DGCR8: variants seen among roughly 807,000 people sequenced by gnomAD.
DGCR8 encodes the protein microprocessor complex subunit DGCR8.
DGCR8 carries 14 observed loss-of-function variants against 78.5 expected under a neutral mutation model. The observed-to-expected ratio is 0.18, with a 90% CI of 0.12 to 0.28. The LOEUF (loss-of-function observed/expected upper bound fraction) is 0.28, where lower values mean the gene tolerates loss of function less well. Ranked by LOEUF, DGCR8 falls within the 10% of genes least tolerant of loss-of-function variation. DGCR8 has a pLI of 1.00. For missense variants in DGCR8, 702 were observed against 1,022.5 expected, an observed-to-expected ratio of 0.69 and a Z score of 4.28; for synonymous variants, 399 against 402.4, an observed-to-expected ratio of 0.99 and a Z score of 0.10.
intron 8 of DGCR8, among the ~76,000 whole-genome samples, chr22:20,093,831 C>T (rs762888133): frequency 3.9e-5 from 6 of 152,240 alleles, no homozygotes; most frequent in Non-Finnish European, 7.3e-5. Context: ...TTTGCCTCAG[C>T]GTCCAGGGTT....
intron 9 of DGCR8, among the ~76,000 whole-genome samples, chr22:20,105,549 C>T (rs2049759486): frequency 6.6e-6 from 1 of 152,360 alleles, no homozygotes; most frequent in African/African-American, 2.4e-5. Context: ...CTTCCCTATG[C>T]CTCACTGTGT....
chr22:20,086,398 G>C lies in DGCR8; in HGVS notation c.435G>C (p.Arg145=), dbSNP rs778785404. ...VLYTGAERDV[R]AECGLLLSPV... ...ACACAGGAGCAGAGCGCGACGTGCG[G>C]GCGGAGTGCGGTCTGCTCCTTAGCC... is the stretch of plus-strand genomic sequence containing the variant. Residue 145 remains arginine, a synonymous_variant, in exon 2 of 14, where the codon CGG becomes CGC. Coordinates refer to ENST00000351989, the MANE Select transcript of DGCR8 (RefSeq NM_022720.7). This position sits in a 1 kb window ranked among gnomAD's most constrained non-coding sequence, Gnocchi z 6.4. The C allele has an allele frequency of 6.2e-7, 1 of 1,613,996 alleles. No homozygotes were observed. Among genetic ancestry groups the C allele is most frequent in the Non-Finnish European group, 8.5e-7 (1 of 1,180,032 alleles).
At chr22:20,090,994 C>G (rs2049551248) in intron 5 of DGCR8, among the ~76,000 whole-genome samples, 1 of 151,940 alleles carries the variant, frequency 6.6e-6, no homozygotes, top group Non-Finnish European at 1.5e-5. Context: ...AATGCGAGGC[C>G]CTGTGCAGGG....
Position 20,110,293 on chromosome 22 carries a change from T to C in DGCR8, c.*185T>C, listed in dbSNP as rs1378222254. On this transcript the variant is annotated 3_prime_UTR_variant, in exon 14 of 14. Transcript: ENST00000351989. ...GACAGCCATGGCCACACAGCACACATGTGGAGCAGCGGCTCTCCCTGGAAA... is the reference window on the plus strand; with the variant it reads ...GACAGCCATGGCCACACAGCACACACGTGGAGCAGCGGCTCTCCCTGGAAA... 3.0e-5 allele frequency: 18 copies of C among 590,480 alleles called. No homozygotes were observed. Among genetic ancestry groups the C allele is most frequent in the African/African-American group, 9.4e-5 (5 of 53,310 alleles). 36.6% of individuals were successfully genotyped at this position (590,480 alleles called of 1,614,324 possible). A position where few individuals can be genotyped will look rare whatever the true frequency, so the allele number is the denominator to read the frequency against.
intron 9 of DGCR8, chr22:20,101,837 G>T (rs563657442): frequency 4.0e-4 from 398 of 985,404 alleles, no homozygotes; most frequent in Middle Eastern, 2.6e-3. Context: ...AGCCTGGGGC[G>T]TGGGGTAGTA....
chr22:20,092,063 T>A, intron 7 of DGCR8, 93 bp downstream of exon 7: 1 of 980,358 alleles, frequency 1.0e-6, no homozygotes, highest in South Asian at 1.4e-5. Flanking sequence ...CTAGCCCTAC[T>A]CTACTGGAAC....
In DGCR8 at chr22:20,087,120, TG is replaced by T. The variant is rs2049494173; in HGVS notation, c.721-41del. On this transcript the variant is annotated intron_variant, in intron 2 of 13. Coordinates refer to ENST00000351989, the MANE Select transcript of DGCR8 (RefSeq NM_022720.7). This position sits in a 1 kb window ranked among gnomAD's most constrained non-coding sequence, Gnocchi z 4.1. ...GTTGAGCTCTCCTGTTGCAGGAGCATGAGCGCCAGGGGCTCTGGTGTCTGAA... is the reference window on the plus strand; with the variant it reads ...GTTGAGCTCTCCTGTTGCAGGAGCATAGCGCCAGGGGCTCTGGTGTCTGAA... The T allele has an allele frequency of 6.4e-7, 1 of 1,570,088 alleles. No individual in the cohort carries two copies. The highest frequency in any genetic ancestry group is 2.3e-5 in the East Asian group (1 of 44,318).
In DGCR8 at chr22:20,081,468, C is replaced by T. The variant is rs549582238; in HGVS notation, c.-278+1085C>T. ...TTGGTCAGCTGGAGCAGTGGGGAGG[C>T]CTACGGGCAGAGAGCTCCCCTTTGA... is the stretch of plus-strand genomic sequence containing the variant. On this transcript the variant is annotated intron_variant, in intron 1 of 13. Transcript: ENST00000351989. 3.3e-5 allele frequency among the ~76,000 whole-genome samples: 5 copies of T among 152,346 alleles called. No individual in the cohort carries two copies. The South Asian group carries it at 1.0e-3, about 32-fold the overall frequency.
chr22:20,105,996 G>T (rs2147939995), intron 9 of DGCR8, among the ~76,000 whole-genome samples, 181 bp from the exon 10 acceptor site: 1 of 152,262 alleles, frequency 6.6e-6, no homozygotes, highest in East Asian at 1.9e-4. Context: ...ATGGGCAACT[G>T]GACGGTGAGG....
intron 9 of DGCR8, among the ~76,000 whole-genome samples, chr22:20,104,050 C>T (rs1395122635): frequency 6.6e-6 from 1 of 152,168 alleles, no homozygotes; most frequent in Non-Finnish European, 1.5e-5. Context: ...TCACTTCTGC[C>T]ATCTGTCTGC....
At chr22:20,103,213 C>T (rs1046403703) in intron 9 of DGCR8, among the ~76,000 whole-genome samples, 10 of 151,866 alleles carry the variant, frequency 6.6e-5, no homozygotes, top group South Asian at 2.1e-4. Context: ...AATGGACATC[C>T]TAACAATATT....
intron 11 of DGCR8, chr22:20,106,903 C>T (rs1221389898): frequency 1.7e-5 from 10 of 593,112 alleles, no homozygotes; most frequent in Middle Eastern, 8.9e-4. Flanking sequence ...CCCCCGCTGT[C>T]ACCCCTGTCT....
At chr22:20,088,824 G>T (rs538673637) in intron 3 of DGCR8, among the ~76,000 whole-genome samples, 1 of 151,542 alleles carries the variant, frequency 6.6e-6, no homozygotes, top group Non-Finnish European at 1.5e-5. Context: ...TTTTTGAGGC[G>T]GGGTCTTGCT....
At chr22:20,081,603 C>T (rs558170381) in intron 1 of DGCR8, among the ~76,000 whole-genome samples, 1 of 152,304 alleles carries the variant, frequency 6.6e-6, no homozygotes, top group Admixed American at 6.5e-5. Context: ...CAGTCTTAGA[C>T]TCTCTTGTTG....
Position 20,091,440 on chromosome 22 carries a change from G to A in DGCR8, c.1312G>A (p.Glu438Lys). ...EVCKDESVDLEEFRSYLEKRF... is the reference protein window; with the variant it reads ...EVCKDESVDLKEFRSYLEKRF... ...CTCTGGTAAATCTGGGACAGATCTC[G>A]AGGAATTTCGAAGCTACCTGGAGAA... Residue 438 changes from glutamate (E) to lysine (K), a missense_variant, in exon 6 of 14, where the codon GAG becomes AAG. By Grantham distance (56) the Glu-to-Lys change is moderately conservative. This residue lies in a region of DGCR8 where 119 missense variants were observed against 126.1 expected (regional missense o/e 0.94). Coordinates refer to ENST00000351989, the MANE Select transcript of DGCR8 (RefSeq NM_022720.7). The A allele has an allele frequency of 1.2e-6, 2 of 1,614,184 alleles. No individual in the cohort carries two copies. The highest frequency in any genetic ancestry group is 8.5e-7 in the Non-Finnish European group (1 of 1,180,034).
intron 9 of DGCR8, among the ~76,000 whole-genome samples, chr22:20,099,611 A>G (rs1347297783): frequency 3.3e-5 from 5 of 152,224 alleles, no homozygotes; most frequent in Non-Finnish European, 7.3e-5. Context: ...TCTTGAATCA[A>G]CACTCCTCAG....
intron 5 of DGCR8, 29 bp from the exon 6 acceptor site, chr22:20,091,406 A>C: frequency 6.2e-7 from 1 of 1,611,930 alleles, no homozygotes; most frequent in Non-Finnish European, 8.5e-7. Flanking sequence ...GAAGTTAAGT[A>C]ATTTGTTTCT....
intron 1 of DGCR8, among the ~76,000 whole-genome samples, chr22:20,083,490 T>C (rs536247701): frequency 1.2e-4 from 19 of 152,080 alleles, no homozygotes; most frequent in African/African-American, 4.6e-4. Flanking sequence ...CTCACTCACT[T>C]GTAAGGCACC....
chr22:20,107,244 C>A, intron 11 of DGCR8, 27 bp from the exon 12 acceptor site: 1 of 1,613,992 alleles, frequency 6.2e-7, no homozygotes. Context: ...GTGACCCCCT[C>A]TCCATGCTTG....
Sources: allele counts gnomAD v4.1 joint callset (sites outside exome capture counted in the v4.1 genomes callset), GRCh38; gene constraint gnomAD v4.1.1; regional missense constraint gnomAD v4.1.1; non-coding constraint Gnocchi (gnomAD v3.1); transcripts MANE v1.5; gene names NCBI Gene and HGNC (gene_info 2026-07-23, HGNC 2026-07-21).